Variants in MAP2 observed in about 807,000 individuals in gnomAD.
MAP2 encodes microtubule associated protein 2.
MAP2 carries 14 observed loss-of-function variants against 137.6 expected under a neutral mutation model. The ratio of observed to expected loss-of-function variants is 0.10; its 90% CI spans 0.07 to 0.16. The LOEUF (loss-of-function observed/expected upper bound fraction) is 0.16. MAP2 is among the 10% of genes least tolerant of loss of function. The pLI, the probability that MAP2 is intolerant of heterozygous loss-of-function variation, is 1.00. For missense variants in MAP2, 2,088 were observed against 2,191.5 expected (o/e 0.95, Z 0.94); for synonymous variants, 786 against 782.3 (o/e 1.00, Z -0.08).
chr2:209,645,548 C>G (rs1017976161), intron 4 of MAP2, among the ~76,000 whole-genome samples: 1 of 152,056 alleles, frequency 6.6e-6, no homozygotes, highest in Non-Finnish European at 1.5e-5. Context: ...TAAAATATTA[C>G]ATTTTTATGA....
At chr2:209,443,501 T>G (rs1698319758) in intron 1 of MAP2, among the ~76,000 whole-genome samples, 1 of 151,650 alleles carries the variant, frequency 6.6e-6, no homozygotes, top group African/African-American at 2.4e-5. Context: ...AGAGCTAACA[T>G]TAGTCAAATG....
At position 209,474,434 on chromosome 2, in the gene MAP2, T is replaced by C. The variant is rs149785158; in HGVS notation, c.-221-33158T>C. Among the ~76,000 whole-genome samples, 1,517 of 152,194 alleles carry C rather than the reference T, an allele frequency of 1.0e-2. 14 individuals are homozygous for C. The highest frequency in any genetic ancestry group is 0.017 in the Non-Finnish European group (1,142 of 67,964). ...GCTGTTAAAATAATTATTTATTGCT[T>C]ATTCCACCAGCCCAGGAACAATGCA... is the stretch of plus-strand genomic sequence containing the variant. On this transcript the variant is annotated intron_variant, in intron 1 of 15. Coordinates refer to ENST00000682079, the MANE Select transcript of MAP2 (RefSeq NM_001375505.1).
At chr2:209,610,925 C>G (rs1223773572) in intron 3 of MAP2, among the ~76,000 whole-genome samples, 1 of 152,014 alleles carries the variant, frequency 6.6e-6, no homozygotes, top group African/African-American at 2.4e-5. Context: ...TAATATAAAG[C>G]TTTTGTAAAA....
At chr2:209,724,312 A>G (rs2072906823) in intron 13 of MAP2, among the ~76,000 whole-genome samples, 1 of 152,136 alleles carries the variant, frequency 6.6e-6, no homozygotes, top group Non-Finnish European at 1.5e-5. Flanking sequence ...AGGAAGGGAA[A>G]GATGATTCCA....
chr2:209,727,100 T>C (rs765561935), intron 14 of MAP2, among the ~76,000 whole-genome samples: 23 of 152,242 alleles, frequency 1.5e-4, no homozygotes, highest in Non-Finnish European at 3.2e-4. Flanking sequence ...GGATTCATTT[T>C]GTCAATGAGT....
intron 14 of MAP2, among the ~76,000 whole-genome samples, chr2:209,729,570 A>C (rs1049433547): frequency 4.6e-5 from 7 of 152,296 alleles, no homozygotes; most frequent in African/African-American, 1.4e-4. Context: ...CAAAAAGAAA[A>C]GCCCCTCTGA....
chr2:209,530,756 C>T (rs1344552463), intron 2 of MAP2, among the ~76,000 whole-genome samples: 1 of 151,694 alleles, frequency 6.6e-6, no homozygotes, highest in Non-Finnish European at 1.5e-5. Context: ...AGGTATTCAC[C>T]TTTTTTATGG....
chr2:209,708,443 TA>T (rs2064196880), intron 12 of MAP2, among the ~76,000 whole-genome samples: 2 of 152,262 alleles, frequency 1.3e-5, no homozygotes, highest in East Asian at 3.9e-4. Context: ...CTGAAAGAAG[TA>T]AAATTCTTCT....
At chr2:209,650,869 CTT>C (rs2094744657) in intron 4 of MAP2, among the ~76,000 whole-genome samples, 1 of 152,110 alleles carries the variant, frequency 6.6e-6, no homozygotes, top group Non-Finnish European at 1.5e-5. Context: ...TTACGTGAAA[CTT>C]TTTCTGTTTA....
intron 1 of MAP2, among the ~76,000 whole-genome samples, chr2:209,442,784 A>G (rs1698134184): frequency 6.6e-6 from 1 of 151,578 alleles, no homozygotes; most frequent in South Asian, 2.1e-4. Flanking sequence ...ATCCACCCTT[A>G]CATTCCTCTT....
chr2:209,593,634 A>AAAAAAAAATAT (rs1286103137), intron 3 of MAP2, among the ~76,000 whole-genome samples: 32 of 33,634 alleles, frequency 9.5e-4, no homozygotes, highest in Non-Finnish European at 1.2e-3. Context: ...AAAAAAAAAA[A>AAAAAAAAATAT]ATATATATAT....
chr2:209,696,482 A>T (rs1389705247), intron 8 of MAP2, 60 bp from the exon 9 acceptor site: 1 of 1,508,266 alleles, frequency 6.6e-7, no homozygotes, highest in Non-Finnish European at 9.0e-7. Flanking sequence ...AGGATTTTGT[A>T]CACTTGTTAC....
At chr2:209,685,944 G>A (rs1250480262) in intron 7 of MAP2, among the ~76,000 whole-genome samples, 1 of 152,138 alleles carries the variant, frequency 6.6e-6, no homozygotes, top group African/African-American at 2.4e-5. Flanking sequence ...GAAAATAAAT[G>A]TTGAAAAGCA....
intron 3 of MAP2, among the ~76,000 whole-genome samples, chr2:209,593,634 A>ATATATAT (rs1553608278): frequency 3.0e-5 from 1 of 33,640 alleles, no homozygotes; most frequent in African/African-American, 1.3e-4. Flanking sequence ...AAAAAAAAAA[A>ATATATAT]ATATATATAT....
intron 4 of MAP2, among the ~76,000 whole-genome samples, chr2:209,647,263 A>G (rs966730981): frequency 6.6e-6 from 1 of 152,192 alleles, no homozygotes; most frequent in African/African-American, 2.4e-5. Flanking sequence ...ACTGGCAATT[A>G]CATTTCAGTA....
chr2:209,496,215 G>A (rs554023782), intron 1 of MAP2, among the ~76,000 whole-genome samples: 7 of 152,174 alleles, frequency 4.6e-5, no homozygotes, highest in South Asian at 4.2e-4. Context: ...ACTTTGTGCC[G>A]TATACCACAC....
intron 2 of MAP2, among the ~76,000 whole-genome samples, chr2:209,564,878 G>A (rs2073062844): frequency 6.6e-6 from 1 of 152,038 alleles, no homozygotes; most frequent in African/African-American, 2.4e-5. Context: ...GTGTTGTAGA[G>A]ATGCCCATAC....
chr2:209,594,717 G>A (rs1345151375), intron 3 of MAP2, among the ~76,000 whole-genome samples: 2 of 152,014 alleles, frequency 1.3e-5, no homozygotes, highest in African/African-American at 4.8e-5. Flanking sequence ...GTATATGTTT[G>A]CACTACAATC....
intron 11 of MAP2, among the ~76,000 whole-genome samples, chr2:209,701,002 T>C (rs2061620922): frequency 1.3e-5 from 2 of 152,126 alleles, no homozygotes; most frequent in Non-Finnish European, 1.5e-5. Context: ...TATTTGACTT[T>C]TAGAATTTTT....
Sources: allele counts gnomAD v4.1 joint callset (sites outside exome capture counted in the v4.1 genomes callset), GRCh38; gene constraint gnomAD v4.1.1; transcripts MANE v1.5; gene names NCBI Gene and HGNC (gene_info 2026-07-23, HGNC 2026-07-21).